Variants in HSPA4L observed in about 807,000 individuals in gnomAD.
HSPA4L encodes heat shock 70 kDa protein 4L.
Under a neutral mutation model 100.3 loss-of-function variants are expected in HSPA4L, and 48 were observed. The ratio of observed to expected loss-of-function variants is 0.48; its 90% CI spans 0.38 to 0.61. HSPA4L has a LOEUF of 0.61. HSPA4L is among the 20% of genes least tolerant of loss of function. The pLI is 0.00. For synonymous variants in HSPA4L, 319 were observed against 328.2 expected (o/e 0.97, Z 0.30); for missense variants, 886 against 988.6 (o/e 0.90, Z 1.39).
At chr4:127,816,403 T>C (rs1381367164) in intron 12 of HSPA4L, among the ~76,000 whole-genome samples, 2 of 152,226 alleles carry the variant, frequency 1.3e-5, no homozygotes, top group Non-Finnish European at 2.9e-5. Flanking sequence ...TATCTTAGTC[T>C]TGCAAATGAT....
chr4:127,789,658 A>AG (rs397934225), intron 1 of HSPA4L, among the ~76,000 whole-genome samples: 1 of 151,758 alleles, frequency 6.6e-6, no homozygotes, highest in East Asian at 1.9e-4. Context: ...AAAAAAAAAA[A>AG]GAAAACCCTC....
intron 3 of HSPA4L, among the ~76,000 whole-genome samples, chr4:127,797,381 AG>A (rs1733050244): frequency 6.6e-6 from 1 of 152,114 alleles, no homozygotes; most frequent in African/African-American, 2.4e-5. Context: ...CTTTGAGAAT[AG>A]GCTGAGAAAA....
rs764406167 is a variant in HSPA4L, at chr4:127,801,852, A to G, written c.597A>G (p.Val199=). The change falls in exon 6 of 19, where the codon GTA becomes GTG. Residue 199 remains valine (V), a synonymous_variant. Transcript: ENST00000296464. The stretch of plus-strand genomic sequence containing the variant: ...TAGATGAGAAACCAAGAAATGTAGT[A>G]TTTATTGATATGGGACATTCTGCCT... The part of the protein sequence containing the change: ...PPLDEKPRNV[V]FIDMGHSAYQ... 1 of 1,610,646 alleles carries G rather than the reference A, an allele frequency of 6.2e-7. No homozygotes were observed. The highest frequency in any genetic ancestry group is 1.7e-5 in the Admixed American group (1 of 59,672).
At chr4:127,813,367 A>C (rs1390273313) in intron 12 of HSPA4L, 2 of 573,278 alleles carry the variant, frequency 3.5e-6, no homozygotes, top group African/African-American at 3.7e-5. Flanking sequence ...ACTTTAAACT[A>C]CTTCATTTAA....
At position 127,827,393 on chromosome 4, in the gene HSPA4L, T is replaced by C. The variant is rs1733974487; in HGVS notation, c.2135T>C (p.Val712Ala). The change falls in exon 17 of 19, where the codon GTC (valine) becomes GCC (alanine). Residue 712 changes from valine to alanine, a missense_variant. By Grantham distance (64) the Val-to-Ala change is moderately conservative (BLOSUM62 0). Transcript: ENST00000296464. ...LNDLGKKIQL[V>A]MKVIEAYRNK... ...GACTTGGGAAAAAAGATCCAACTTG[T>C]CATGAAAGTGATAGAAGCTTATAGA... 1.2e-6 allele frequency: 2 copies of C among 1,613,576 alleles called. No homozygotes were observed. Among genetic ancestry groups the C allele is most frequent in the Non-Finnish European group, 1.7e-6 (2 of 1,179,730 alleles).
intron 9 of HSPA4L, 40 bp downstream of exon 9, chr4:127,805,264 C>T: frequency 6.6e-7 from 1 of 1,511,442 alleles, no homozygotes; most frequent in South Asian, 1.3e-5. Context: ...TGTATTTTGC[C>T]AGAAATGAGT....
At chr4:127,781,956 TGTGCCTCAAAACAC>T, upstream of HSPA4L, 1 of 424,314 alleles carries the variant, frequency 2.4e-6, no homozygotes, top group Admixed American at 2.6e-5. Context: ...AACCCAAAAA[TGTGCCTCAAAACAC>T]GTTCGCAAAG....
At chr4:127,805,545 T>C in intron 9 of HSPA4L, 142 bp from the exon 10 acceptor site, 1 of 589,122 alleles carries the variant, frequency 1.7e-6, no homozygotes, top group Admixed American at 3.3e-5. Context: ...CCTTTTAAAT[T>C]TTCACTTCTC....
chr4:127,825,261 A>G (rs1026907313), intron 16 of HSPA4L, among the ~76,000 whole-genome samples: 3 of 152,148 alleles, frequency 2.0e-5, no homozygotes, highest in African/African-American at 7.2e-5. Context: ...ATTGAAATGG[A>G]AATTTTGATT....
chr4:127,817,366 T>C (rs1293607635), intron 12 of HSPA4L, among the ~76,000 whole-genome samples: 2 of 152,114 alleles, frequency 1.3e-5, no homozygotes, highest in African/African-American at 2.4e-5. Context: ...AAAAATTAGC[T>C]CCTCTTTGGC....
intron 5 of HSPA4L, 111 bp from the exon 6 acceptor site, chr4:127,801,674 T>C (rs758208547): frequency 1.8e-5 from 14 of 772,122 alleles, no homozygotes; most frequent in Non-Finnish European, 2.5e-5. Context: ...ACTTTGAAGA[T>C]AATAATATGT....
intron 12 of HSPA4L, among the ~76,000 whole-genome samples, chr4:127,817,281 G>T (rs1207751538): frequency 3.3e-5 from 5 of 151,924 alleles, no homozygotes; most frequent in Non-Finnish European, 2.9e-5. Context: ...GGTCAGGCTG[G>T]TCTTGAACTC....
rs1733753120 is a variant in HSPA4L at position 127,819,409 on chromosome 4, G to A, written c.1674+989G>A. On this transcript the variant is annotated intron_variant, in intron 13 of 18. Transcript: ENST00000296464. ...ATTTCTCAGAGATTGTAAAGATTTAGTTTTAAATTGTAGATTCTAAAGTTA... is the reference window on the plus strand; with the variant it reads ...ATTTCTCAGAGATTGTAAAGATTTAATTTTAAATTGTAGATTCTAAAGTTA... Among the ~76,000 whole-genome samples, 2 of 152,106 alleles carry A rather than the reference G, an allele frequency of 1.3e-5. 1 individual carries two copies. The highest frequency in any genetic ancestry group is 2.9e-5 in the Non-Finnish European group (2 of 67,988).
intron 16 of HSPA4L, among the ~76,000 whole-genome samples, chr4:127,824,470 A>C (rs1025781637): frequency 5.3e-5 from 8 of 152,238 alleles, no homozygotes; most frequent in Non-Finnish European, 1.2e-4. Flanking sequence ...GAAGCCAGCA[A>C]TGCTATATAA....
At chr4:127,819,945 G>A (rs1264456106) in intron 13 of HSPA4L, among the ~76,000 whole-genome samples, 8 of 151,864 alleles carry the variant, frequency 5.3e-5, no homozygotes, top group Non-Finnish European at 1.0e-4. Context: ...TAAGTTTTGC[G>A]GGGGTGTGTA....
At chr4:127,825,567 A>T (rs1053054123) in intron 16 of HSPA4L, among the ~76,000 whole-genome samples, 1 of 152,222 alleles carries the variant, frequency 6.6e-6, no homozygotes, top group Non-Finnish European at 1.5e-5. Context: ...ACCTAAGTTT[A>T]TGATAGCAAA....
At chr4:127,799,894 GATA>G (rs1289941695) in intron 4 of HSPA4L, among the ~76,000 whole-genome samples, 1 of 152,088 alleles carries the variant, frequency 6.6e-6, no homozygotes, top group African/African-American at 2.4e-5. Context: ...TTGTCAGGAG[GATA>G]ATACCAAATC....
In HSPA4L at chr4:127,804,012, G is replaced by A. The variant is rs761233683; in HGVS notation, c.910G>A (p.Ala304Thr). The change falls in exon 8 of 19, where the codon GCT becomes ACT. Residue 304 changes from alanine to threonine, a missense_variant and splice_region_variant. Ala to Thr is a moderately conservative substitution (Grantham distance 58). Transcript: ENST00000296464. Reference sequence around the variant, plus strand: ...GAATTTTATTCTATTTTCTCACAGGGCTCAATTTGAACAACTGTGTGCTTC... The same window carrying A: ...GAATTTTATTCTATTTTCTCACAGGACTCAATTTGAACAACTGTGTGCTTC... ...DLDVSSKMNR[A>T]QFEQLCASLL... The A allele has an allele frequency of 6.2e-7, 1 of 1,613,798 alleles. No individual in the cohort carries two copies. Among genetic ancestry groups the A allele is most frequent in the Non-Finnish European group, 8.5e-7 (1 of 1,179,848 alleles).
intron 11 of HSPA4L, among the ~76,000 whole-genome samples, chr4:127,810,751 G>T (rs1351963913): frequency 2.0e-5 from 3 of 152,120 alleles, no homozygotes; most frequent in African/African-American, 7.2e-5. Flanking sequence ...GAGTGAAACT[G>T]TGTCTCAAAA....
Sources: gnomAD v4.1 joint callset for allele counts (sites outside exome capture counted in the v4.1 genomes callset) on GRCh38, gnomAD v4.1.1 for gene constraint, MANE v1.5 for transcripts, NCBI Gene and HGNC (gene_info 2026-07-23, HGNC 2026-07-21) for gene names.